The following C19orf18 variants were observed in gnomAD, a reference collection of about 807,000 sequenced individuals.
The protein encoded by C19orf18 is uncharacterized protein C19orf18.
A neutral mutation model predicts 23.3 loss-of-function variants in C19orf18; 21 were observed. That is an observed-to-expected ratio of 0.90 (90% confidence interval 0.64 to 1.30). The LOEUF is 1.30. C19orf18 is among the 50% of genes most tolerant of loss of function. The probability of loss-of-function intolerance (pLI) is 0.00; values close to 1 mark genes in which losing one functional copy is unlikely to be tolerated. For synonymous variants in C19orf18, 96 were observed against 95.2 expected (o/e 1.01, Z -0.05); for missense variants, 249 against 259.6 (o/e 0.96, Z 0.28).
chr19:57,969,566 G>GAAAAAAAAAAAAAAAAAAAAAAA (rs59100128), intron 3 of C19orf18, among the ~76,000 whole-genome samples: 6 of 46,500 alleles, frequency 1.3e-4, no homozygotes, highest in Non-Finnish European at 1.4e-4. Context: ...AAAAAAAACA[G>GAAAAAAAAAAAAAAAAAAAAAAA]AAAAAAAAAA....
chr19:57,973,952 A>G, intron 2 of C19orf18, 147 bp downstream of exon 2: 2 of 741,540 alleles, frequency 2.7e-6, no homozygotes. Context: ...AGAGCATAAG[A>G]TCTAATTTCC....
chr19:57,968,662 G>A (rs953462871), intron 3 of C19orf18, among the ~76,000 whole-genome samples: 4 of 152,014 alleles, frequency 2.6e-5, no homozygotes, highest in African/African-American at 9.7e-5. Flanking sequence ...AATAGACTAG[G>A]AAAATGAATA....
chr19:57,974,264 A>G (rs374793312), intron 1 of C19orf18, 48 bp downstream of exon 1: 37 of 1,613,466 alleles, frequency 2.3e-5, no homozygotes, highest in Admixed American at 1.8e-4. Flanking sequence ...CCCCTGAAAC[A>G]GCTTTTCAAT....
intron 4 of C19orf18, among the ~76,000 whole-genome samples, chr19:57,965,983 CTT>C (rs778626671): frequency 2.1e-5 from 3 of 141,378 alleles, no homozygotes; most frequent in Non-Finnish European, 1.6e-5. Flanking sequence ...TTTTCTTTTT[CTT>C]TTTTTTTTTT....
intron 3 of C19orf18, among the ~76,000 whole-genome samples, chr19:57,968,549 G>A (rs1298953625): frequency 6.6e-6 from 1 of 151,946 alleles, no homozygotes; most frequent in Non-Finnish European, 1.5e-5. Context: ...TTGTGAAGGA[G>A]GCAAACAAGG....
chr19:57,968,289 T>C (rs1225628259), intron 3 of C19orf18, among the ~76,000 whole-genome samples: 2 of 152,152 alleles, frequency 1.3e-5, no homozygotes, highest in Admixed American at 1.3e-4. Flanking sequence ...CCTAATATCC[T>C]CACCTTTGGG....
intron 5 of C19orf18, among the ~76,000 whole-genome samples, chr19:57,959,807 A>G (rs2072852894): frequency 6.7e-6 from 1 of 149,498 alleles, no homozygotes; most frequent in Admixed American, 6.7e-5. Flanking sequence ...AAAAAAAAAA[A>G]AAAAGAAAAA....
chr19:57,972,461 A>C lies in C19orf18; in HGVS notation c.268+2T>G. 6.2e-7 allele frequency: 1 copy of C among 1,614,012 alleles called. No individual in the cohort carries two copies. Among genetic ancestry groups the C allele is most frequent in the Non-Finnish European group, 8.5e-7 (1 of 1,179,872 alleles). On this transcript the variant is annotated splice_donor_variant, in intron 3 of 5. Coordinates refer to ENST00000314391, the MANE Select transcript of C19orf18 (RefSeq NM_152474.5). LOFTEE classifies it high-confidence loss of function. ...CCCGCCCTCCCAGATCCCTTGGCTT[A>C]CCTTTATTCCTCAGGAATTTCATGG...
chr19:57,969,566 G>GAAAAAAA lies in C19orf18; in HGVS notation c.268+2890_268+2896dup, dbSNP rs59100128. Among the ~76,000 whole-genome samples the GAAAAAAA allele has an allele frequency of 1.2e-3, 55 of 46,494 alleles. 1 individual carries two copies. Among genetic ancestry groups the GAAAAAAA allele is most frequent in the East Asian group, 2.5e-3 (2 of 814 alleles). The allele number at this position is 46,494 out of a possible 152,430, so 30.5% of individuals were successfully genotyped here. ...TGAGACTCTGTCTTAAAAAAAAACA[G>GAAAAAAA]AAAAAAAAAAAAAAAAAAAAAAAAA... On this transcript the variant is annotated intron_variant, in intron 3 of 5. Transcript: ENST00000314391.
At chr19:57,971,116 T>C (rs1456649457) in intron 3 of C19orf18, among the ~76,000 whole-genome samples, 1 of 152,170 alleles carries the variant, frequency 6.6e-6, no homozygotes, top group African/African-American at 2.4e-5. Context: ...ATAATGTGTT[T>C]GGCGTGGATG....
chr19:57,969,603 A>G (rs912452274), intron 3 of C19orf18, among the ~76,000 whole-genome samples: 1 of 148,372 alleles, frequency 6.7e-6, no homozygotes, highest in Non-Finnish European at 1.5e-5. Flanking sequence ...AAAACCAAGA[A>G]AAAAAACAAA....
At chr19:57,965,798 T>C (rs1247642128) in intron 4 of C19orf18, among the ~76,000 whole-genome samples, 1 of 152,026 alleles carries the variant, frequency 6.6e-6, no homozygotes, top group Non-Finnish European at 1.5e-5. Context: ...AAATACTGAA[T>C]TTTGGGAGGA....
rs1463507710 is a variant in C19orf18, at chr19:57,966,638, A to G, written c.269-6T>C. ...AGGTCTATGCCGAATTATTGCTAAA[A>G]AGAAAGAAAAGAAAAGAAGTGCTCA... is the stretch of plus-strand genomic sequence containing the variant. On this transcript the variant is annotated splice_region_variant and splice_polypyrimidine_tract_variant and intron_variant, in intron 3 of 5. Coordinates refer to ENST00000314391, the MANE Select transcript of C19orf18 (RefSeq NM_152474.5). 6.3e-6 allele frequency: 10 copies of G among 1,576,604 alleles called. No homozygotes were observed. Among genetic ancestry groups the G allele is most frequent in the Non-Finnish European group, 7.8e-6 (9 of 1,147,988 alleles).
chr19:57,962,622 G>A (rs1428514648), intron 4 of C19orf18, among the ~76,000 whole-genome samples: 10 of 152,164 alleles, frequency 6.6e-5, no homozygotes, highest in South Asian at 2.1e-4. Context: ...TTGGTAGGCC[G>A]AGGCGGGCAG....
chr19:57,966,817 G>A (rs2072911863), intron 3 of C19orf18, among the ~76,000 whole-genome samples, 185 bp from the exon 4 acceptor site: 1 of 151,810 alleles, frequency 6.6e-6, no homozygotes, highest in Non-Finnish European at 1.5e-5. Context: ...TATCACCCAG[G>A]CTGGAGTGCA....
chr19:57,965,824 C>T (rs2072903481), intron 4 of C19orf18, among the ~76,000 whole-genome samples: 1 of 151,990 alleles, frequency 6.6e-6, no homozygotes, highest in Admixed American at 6.6e-5. Flanking sequence ...GCATCTCAAA[C>T]TGTGTCTTTC....
At chr19:57,972,316 C>T (rs1238230697) in intron 3 of C19orf18, 147 bp downstream of exon 3, 2 of 938,218 alleles carry the variant, frequency 2.1e-6, no homozygotes, top group African/African-American at 1.7e-5. Context: ...GCGCATCCCC[C>T]TCCAGAGGGG....
At chr19:57,960,025 C>A (rs2072855119) in intron 5 of C19orf18, among the ~76,000 whole-genome samples, 1 of 150,302 alleles carries the variant, frequency 6.7e-6, no homozygotes, top group African/African-American at 2.5e-5. Flanking sequence ...AGGAGAATTG[C>A]TTGAACCCAG....
chr19:57,961,208 C>T (rs2072869001), intron 5 of C19orf18, among the ~76,000 whole-genome samples, 183 bp downstream of exon 5: 1 of 151,144 alleles, frequency 6.6e-6, no homozygotes, highest in South Asian at 2.1e-4. Flanking sequence ...GCACTCCAGC[C>T]TGGGCTACAG....
Sources: allele counts gnomAD v4.1 joint callset (sites outside exome capture counted in the v4.1 genomes callset), GRCh38; gene constraint gnomAD v4.1.1; transcripts MANE v1.5; gene names NCBI Gene and HGNC (gene_info 2026-07-23, HGNC 2026-07-21).